FRMD4A: variants seen among roughly 807,000 people sequenced by gnomAD.
FRMD4A encodes the protein FERM domain containing 4A.
A neutral mutation model predicts 129.1 loss-of-function variants in FRMD4A; 29 were observed. The ratio of observed to expected loss-of-function variants is 0.22; its 90% confidence interval spans 0.17 to 0.31. FRMD4A has a LOEUF of 0.31. FRMD4A is among the 10% of genes least tolerant of loss of function. The pLI, the probability that FRMD4A is intolerant of heterozygous loss-of-function variation, is 1.00. For synonymous variants in FRMD4A, 634 were observed against 571.6 expected (o/e 1.11, Z -1.56); for missense variants, 1,272 against 1,375.8 (o/e 0.92, Z 1.19).
rs537402848 is a variant in FRMD4A, at chr10:14,159,367, A to T, written c.45+170691T>A. Among the ~76,000 whole-genome samples the T allele has an allele frequency of 2.3e-3, 354 of 152,320 alleles. 3 individuals are homozygous for T. The highest frequency in any genetic ancestry group is 8.2e-3 in the African/African-American group (340 of 41,572). ...AAATCAAGAAAGAAATCTCACTTAC[A>T]ATTGCTGCCAAAAAAAATAAAATAC... On this transcript the variant is annotated intron_variant, in intron 2 of 24. Transcript: ENST00000357447.
chr10:13,825,274 T>C (rs996602853), intron 3 of FRMD4A, among the ~76,000 whole-genome samples: 9 of 152,166 alleles, frequency 5.9e-5, no homozygotes, highest in African/African-American at 1.9e-4. Flanking sequence ...CTGAGACAGT[T>C]GATCAGATCA....
chr10:13,810,444 TA>T (rs1403852277), intron 4 of FRMD4A, among the ~76,000 whole-genome samples: 1 of 152,222 alleles, frequency 6.6e-6, no homozygotes, highest in East Asian at 1.9e-4. Context: ...CACTTCCTGT[TA>T]TTGTTATCCC....
At chr10:13,855,705 A>G (rs1279565547) in intron 3 of FRMD4A, among the ~76,000 whole-genome samples, 1 of 152,192 alleles carries the variant, frequency 6.6e-6, no homozygotes, top group Non-Finnish European at 1.5e-5. Context: ...CCTGAAGGCT[A>G]CCACTCTCTG....
intron 2 of FRMD4A, among the ~76,000 whole-genome samples, chr10:14,301,727 A>G (rs1339322903): frequency 6.6e-6 from 1 of 152,218 alleles, no homozygotes; most frequent in Non-Finnish European, 1.5e-5. Context: ...ATGTTTTCCA[A>G]TGTCATGGCA....
At chr10:14,279,859 C>G (rs1387869953) in intron 2 of FRMD4A, among the ~76,000 whole-genome samples, 1 of 152,210 alleles carries the variant, frequency 6.6e-6, no homozygotes, top group Non-Finnish European at 1.5e-5. Flanking sequence ...TTCTGGGTCT[C>G]TCTAACTCAA....
chr10:13,756,157 A>C (rs796716466), intron 8 of FRMD4A: 3 of 152,368 alleles, frequency 2.0e-5, no homozygotes, highest in East Asian at 3.9e-4. Flanking sequence ...GAGGGTCCAG[A>C]GTAACACAGC....
intron 3 of FRMD4A, among the ~76,000 whole-genome samples, chr10:13,823,246 C>A (rs1180805588): frequency 6.6e-6 from 1 of 152,116 alleles, no homozygotes; most frequent in South Asian, 2.1e-4. Flanking sequence ...ATTCATGATC[C>A]CCGGGGGACT....
intron 2 of FRMD4A, among the ~76,000 whole-genome samples, chr10:13,904,020 G>A (rs534305890): frequency 2.0e-5 from 3 of 152,114 alleles, no homozygotes; most frequent in South Asian, 2.1e-4. Context: ...AAATATAATC[G>A]TGTCGCTCCA....
intron 2 of FRMD4A, among the ~76,000 whole-genome samples, chr10:13,882,493 C>T (rs965925968): frequency 3.9e-5 from 6 of 152,276 alleles, no homozygotes; most frequent in Non-Finnish European, 5.9e-5. Flanking sequence ...AGGGAAACAG[C>T]AAAGCATTTG....
At chr10:13,851,627 C>T (rs146224820) in intron 3 of FRMD4A, among the ~76,000 whole-genome samples, 2,176 of 151,994 alleles carry the variant, frequency 0.014, 19 homozygotes, top group African/African-American at 0.018. Flanking sequence ...CTAGGCCAGG[C>T]GTGGTGGCTC....
At position 14,289,876 on chromosome 10, in the gene FRMD4A, C is replaced by CA. The variant is rs565759954; in HGVS notation, c.45+40181dup. 6.0e-3 allele frequency among the ~76,000 whole-genome samples: 906 copies of CA among 151,236 alleles called. 10 individuals are homozygous for CA. The highest frequency in any genetic ancestry group is 0.02 in the African/African-American group (814 of 41,264). ...GAAAATCCTAAAGACTCCACACACA[C>CA]AAAAAAAACTCTTAGGACAAATAAA... On this transcript the variant is annotated intron_variant, in intron 2 of 24. Transcript: ENST00000357447.
intron 2 of FRMD4A, among the ~76,000 whole-genome samples, chr10:14,095,514 A>G (rs761096115): frequency 1.3e-5 from 2 of 152,224 alleles, no homozygotes; most frequent in Non-Finnish European, 2.9e-5. Context: ...AACAATGCAT[A>G]AAGAGCCGAA....
chr10:14,135,514 G>A (rs1419809434), intron 2 of FRMD4A, among the ~76,000 whole-genome samples: 1 of 152,120 alleles, frequency 6.6e-6, no homozygotes, highest in Non-Finnish European at 1.5e-5. Flanking sequence ...TGTGATTCTG[G>A]GGGCTGCCTG....
At chr10:13,659,593 G>GC in intron 20 of FRMD4A, 103 bp from the exon 21 acceptor site, 1 of 1,169,176 alleles carries the variant, frequency 8.6e-7, no homozygotes, top group Non-Finnish European at 1.2e-6. Flanking sequence ...GGGAAAGCTC[G>GC]CCCGTGACTC....
chr10:13,848,339 T>A (rs2094084699), intron 3 of FRMD4A, among the ~76,000 whole-genome samples: 1 of 152,206 alleles, frequency 6.6e-6, no homozygotes, highest in African/African-American at 2.4e-5. Flanking sequence ...TTGAGCCACA[T>A]GAAATTGTCC....
intron 2 of FRMD4A, among the ~76,000 whole-genome samples, chr10:14,094,346 T>G (rs1255444334): frequency 6.6e-6 from 1 of 152,162 alleles, no homozygotes; most frequent in Non-Finnish European, 1.5e-5. Flanking sequence ...ATCAAAACCG[T>G]GTTAACGAGA....
intron 2 of FRMD4A, among the ~76,000 whole-genome samples, chr10:14,167,179 T>C (rs1841226915): frequency 6.6e-6 from 1 of 152,046 alleles, no homozygotes; most frequent in Admixed American, 6.6e-5. Context: ...AAGTATGAAA[T>C]TATCATTTCT....
intron 8 of FRMD4A, among the ~76,000 whole-genome samples, chr10:13,755,543 G>A (rs983451461): frequency 2.0e-5 from 3 of 152,162 alleles, no homozygotes; most frequent in Non-Finnish European, 4.4e-5. Flanking sequence ...AAGTTAATGG[G>A]AATTTTTCAG....
intron 2 of FRMD4A, among the ~76,000 whole-genome samples, chr10:13,869,217 T>G (rs139490941): frequency 8.5e-5 from 13 of 152,296 alleles, no homozygotes; most frequent in Non-Finnish European, 1.8e-4. Flanking sequence ...GGGCAGCGTG[T>G]CAGAAAACAT....
Sources: allele counts gnomAD v4.1 joint callset (sites outside exome capture counted in the v4.1 genomes callset), GRCh38; gene constraint gnomAD v4.1.1; transcripts MANE v1.5; gene names NCBI Gene and HGNC (gene_info 2026-07-23, HGNC 2026-07-21).